The following USH2A variants were observed in gnomAD, a reference collection of about 807,000 sequenced individuals.
USH2A encodes Usher syndrome 2A (autosomal recessive, mild).
A neutral mutation model predicts 538.9 loss-of-function variants in USH2A; 443 were observed. That is an observed-to-expected ratio of 0.82 (90% CI 0.76 to 0.89). The LOEUF is 0.89. USH2A is among the 40% of genes least tolerant of loss of function. USH2A has a pLI of 0.00. For missense variants in USH2A, 6,633 were observed against 6,324.8 expected (o/e 1.05, Z -1.65); for synonymous variants, 2,413 against 2,273.5 (o/e 1.06, Z -1.75).
At chr1:215,824,587 A>G (rs1415881022) in intron 47 of USH2A, among the ~76,000 whole-genome samples, 1 of 152,070 alleles carries the variant, frequency 6.6e-6, no homozygotes, top group Non-Finnish European at 1.5e-5. Flanking sequence ...AGCCACTCTG[A>G]TTTGGCATCT....
rs12129576 is a variant in USH2A, at chr1:215,798,779, T to C, written c.9958+128A>G. On this transcript the variant is annotated intron_variant, in intron 50 of 71. Coordinates refer to ENST00000307340, the MANE Select transcript of USH2A (RefSeq NM_206933.4). ...TGTTATGTGTTAAACAATATGTTCC[T>C]AATTATTGCATTAGATATAACCAAT... 0.029 allele frequency: 30,715 copies of C among 1,059,064 alleles called. 526 individuals carry two copies. Among genetic ancestry groups the C allele is most frequent in the African/African-American group, 0.05 (3,196 of 63,468 alleles). The allele number at this position is 1,059,064 out of a possible 1,614,324, so 65.6% of individuals were successfully genotyped here.
intron 4 of USH2A, among the ~76,000 whole-genome samples, chr1:216,344,792 A>G (rs2038142166): frequency 6.6e-6 from 1 of 151,794 alleles, no homozygotes; most frequent in African/African-American, 2.4e-5. Context: ...TTCAAGGCCC[A>G]ACTTAAGAAG....
At chr1:216,288,049 T>G (rs1246368788) in intron 11 of USH2A, among the ~76,000 whole-genome samples, 1 of 152,050 alleles carries the variant, frequency 6.6e-6, no homozygotes, top group Non-Finnish European at 1.5e-5. Context: ...GAGAGTAACA[T>G]GGTGATATGA....
chr1:215,800,481 T>A (rs962360635), intron 49 of USH2A, among the ~76,000 whole-genome samples: 1 of 152,212 alleles, frequency 6.6e-6, no homozygotes, highest in Non-Finnish European at 1.5e-5. Flanking sequence ...ATCCAATTAA[T>A]GACTTGTCAA....
chr1:215,777,675 G>A (rs996422848), intron 55 of USH2A, among the ~76,000 whole-genome samples: 1 of 152,160 alleles, frequency 6.6e-6, no homozygotes, highest in African/African-American at 2.4e-5. Flanking sequence ...GATCTTAAGA[G>A]CAGCAGTCTT....
chr1:215,981,672 T>A (rs1163660624), intron 35 of USH2A, among the ~76,000 whole-genome samples: 1 of 152,130 alleles, frequency 6.6e-6, no homozygotes, highest in African/African-American at 2.4e-5. Context: ...CAAATCCAAA[T>A]AAATGAGAAT....
chr1:216,250,323 G>T (rs1436719587), intron 12 of USH2A, among the ~76,000 whole-genome samples: 1 of 152,050 alleles, frequency 6.6e-6, no homozygotes, highest in Admixed American at 6.6e-5. Context: ...AATCAACTTG[G>T]TGCTGAATTA....
intron 20 of USH2A, among the ~76,000 whole-genome samples, chr1:216,180,577 T>C (rs1259143797): frequency 6.6e-6 from 1 of 152,116 alleles, no homozygotes; most frequent in Non-Finnish European, 1.5e-5. Context: ...AAAGCTCTTC[T>C]GAGGTACTGG....
chr1:215,804,885 A>T (rs576497631), intron 49 of USH2A, among the ~76,000 whole-genome samples: 21 of 152,316 alleles, frequency 1.4e-4, no homozygotes, highest in African/African-American at 5.1e-4. Context: ...GAACCAACCC[A>T]AATGTCCAAC....
chr1:215,998,823 A>G (rs533976447), intron 34 of USH2A, 64 bp downstream of exon 34: 115 of 1,556,172 alleles, frequency 7.4e-5, no homozygotes, highest in Non-Finnish European at 1.0e-4. Context: ...GAAAAGATGG[A>G]CCACGGGAAG....
chr1:216,354,538 A>G (rs2038345302), intron 4 of USH2A, among the ~76,000 whole-genome samples: 1 of 152,196 alleles, frequency 6.6e-6, no homozygotes, highest in African/African-American at 2.4e-5. Flanking sequence ...CAATAGATGA[A>G]GTCTACAAAA....
chr1:216,141,970 G>C (rs2033612396), intron 21 of USH2A, among the ~76,000 whole-genome samples: 1 of 149,538 alleles, frequency 6.7e-6, no homozygotes, highest in Non-Finnish European at 1.5e-5. Flanking sequence ...AAAAAAAAAG[G>C]TAGGATTGAA....
rs547651566 is a variant in USH2A at position 215,888,668 on chromosome 1, T to C, written c.7981A>G (p.Arg2661Gly). 1 of 1,614,178 alleles carries C rather than the reference T, an allele frequency of 6.2e-7. No individual in the cohort carries two copies. Among genetic ancestry groups the C allele is most frequent in the South Asian group, 1.1e-5 (1 of 91,080 alleles). The change falls in exon 41 of 72, where the codon AGA (arginine) becomes GGA (glycine). Residue 2661 changes from arginine (R) to glycine (G), a missense_variant. Arg to Gly is a moderately radical substitution (Grantham distance 125). Coordinates refer to ENST00000307340, the MANE Select transcript of USH2A (RefSeq NM_206933.4). ...ACTTCTTCCTTTCCTTTGACTCTTC[T>C]CTCAATTGTGAAATTCTCCACCAAG... Reference protein sequence around the residue: ...NGLVENFTIERRVKGKEEVTT... With the variant: ...NGLVENFTIEGRVKGKEEVTT...
At chr1:215,681,928 T>G (rs1302885119) in intron 61 of USH2A, among the ~76,000 whole-genome samples, 2 of 152,160 alleles carry the variant, frequency 1.3e-5, no homozygotes, top group Non-Finnish European at 2.9e-5. Context: ...CTGAAACAAA[T>G]TTTACAGAAA....
At chr1:216,211,378 A>G (rs1030689308) in intron 15 of USH2A, among the ~76,000 whole-genome samples, 1 of 152,176 alleles carries the variant, frequency 6.6e-6, no homozygotes, top group East Asian at 1.9e-4. Flanking sequence ...TTCCAGGTAT[A>G]TAGCGCAAGA....
intron 13 of USH2A, among the ~76,000 whole-genome samples, chr1:216,239,145 AAAAAAAT>A (rs928076584): frequency 3.9e-5 from 6 of 152,092 alleles, no homozygotes; most frequent in African/African-American, 7.2e-5. Flanking sequence ...AAGCAAAACA[AAAAAAAT>A]AAAAAATAAA....
intron 60 of USH2A, among the ~76,000 whole-genome samples, chr1:215,735,005 T>C (rs1048012711): frequency 6.6e-6 from 1 of 152,220 alleles, no homozygotes; most frequent in Admixed American, 6.5e-5. Flanking sequence ...GGTATCTTCA[T>C]AGCAACACGC....
intron 21 of USH2A, among the ~76,000 whole-genome samples, chr1:216,159,537 T>TACACACACACACACACAC (rs60343349): frequency 6.3e-4 from 93 of 146,928 alleles, no homozygotes; most frequent in African/African-American, 2.3e-3. Flanking sequence ...TTTATTTATG[T>TACACACACACACACACAC]ACACACACAC....
At chr1:215,640,487 C>A in intron 68 of USH2A, 71 bp downstream of exon 68, 1 of 1,596,640 alleles carries the variant, frequency 6.3e-7, no homozygotes. Flanking sequence ...GGTCAGCTTT[C>A]AGATTTAGCA....
Sources: gnomAD v4.1 joint callset for allele counts (sites outside exome capture counted in the v4.1 genomes callset) on GRCh38, gnomAD v4.1.1 for gene constraint, MANE v1.5 for transcripts, NCBI Gene and HGNC (gene_info 2026-07-23, HGNC 2026-07-21) for gene names.